Variants in ADCY8 observed in about 807,000 individuals in gnomAD.
ADCY8 encodes adenylate cyclase type 8.
In ADCY8, 51 loss-of-function variants were observed where a neutral mutation model predicts 119.7. The ratio of observed to expected loss-of-function variants is 0.43; its 90% CI spans 0.34 to 0.54. The LOEUF is 0.54. ADCY8 is among the 20% of genes least tolerant of loss of function. ADCY8 has a pLI of 0.03. For missense variants in ADCY8, 1,383 were observed against 1,598.8 expected, an observed-to-expected ratio of 0.87 and a Z score of 2.30; for synonymous variants, 665 against 651.0, an observed-to-expected ratio of 1.02 and a Z score of -0.33.
intron 1 of ADCY8, among the ~76,000 whole-genome samples, chr8:131,017,261 G>T (rs1274276718): frequency 1.3e-5 from 2 of 152,016 alleles, no homozygotes; most frequent in Non-Finnish European, 2.9e-5. Flanking sequence ...GTAGAGACGG[G>T]CTTTCGCCAT....
chr8:130,837,158 C>T (rs1045068885), intron 11 of ADCY8, among the ~76,000 whole-genome samples: 3 of 152,194 alleles, frequency 2.0e-5, no homozygotes, highest in Non-Finnish European at 4.4e-5. Context: ...CCAGTCCCCA[C>T]CCCACACCCA....
At chr8:130,948,981 G>A (rs984893057) in intron 3 of ADCY8, among the ~76,000 whole-genome samples, 12 of 152,182 alleles carry the variant, frequency 7.9e-5, no homozygotes, top group Admixed American at 7.9e-4. Flanking sequence ...GAATAGCCCG[G>A]GAGCAACAGG....
chr8:130,952,121 C>A (rs1011877014), intron 2 of ADCY8, 123 bp from the exon 3 acceptor site: 24 of 1,084,954 alleles, frequency 2.2e-5, no homozygotes, highest in Non-Finnish European at 1.7e-5. Context: ...AATTTCATAC[C>A]ATTCTATGAA....
chr8:130,942,379 C>T (rs1043690212), intron 4 of ADCY8, among the ~76,000 whole-genome samples: 1 of 152,148 alleles, frequency 6.6e-6, no homozygotes, highest in African/African-American at 2.4e-5. Context: ...TTTCCATGGC[C>T]CCCAGACTTA....
At chr8:130,896,346 C>T (rs1389427837) in intron 7 of ADCY8, among the ~76,000 whole-genome samples, 1 of 152,102 alleles carries the variant, frequency 6.6e-6, no homozygotes, top group Non-Finnish European at 1.5e-5. Context: ...AATGAATGAA[C>T]AAATAAGCAT....
chr8:130,787,097 A>T (rs1287673677), intron 15 of ADCY8, among the ~76,000 whole-genome samples: 1 of 152,184 alleles, frequency 6.6e-6, no homozygotes, highest in Non-Finnish European at 1.5e-5. Context: ...GCCAGAACAC[A>T]CAAGGCCCTG....
At chr8:130,815,517 G>A (rs1816309034) in intron 13 of ADCY8, among the ~76,000 whole-genome samples, 1 of 152,094 alleles carries the variant, frequency 6.6e-6, no homozygotes, top group Non-Finnish European at 1.5e-5. Flanking sequence ...AGGTATTATT[G>A]TCATTTCTTA....
intron 1 of ADCY8, among the ~76,000 whole-genome samples, chr8:131,000,764 G>A (rs188619972): frequency 3.4e-4 from 51 of 152,030 alleles, no homozygotes; most frequent in Middle Eastern, 3.4e-3. Flanking sequence ...ATCCAGGCTC[G>A]CCACATGCAC....
chr8:130,989,060 G>A (rs1485908941), intron 2 of ADCY8, among the ~76,000 whole-genome samples: 1 of 152,236 alleles, frequency 6.6e-6, no homozygotes, highest in Admixed American at 6.5e-5. Context: ...AGTCCTGGGA[G>A]ATACTCATGT....
At chr8:130,852,222 C>T (rs959553088) in intron 9 of ADCY8, among the ~76,000 whole-genome samples, 1 of 152,138 alleles carries the variant, frequency 6.6e-6, no homozygotes, top group Admixed American at 6.5e-5. Flanking sequence ...GAAAGTGACT[C>T]CTCCCACAGC....
intron 4 of ADCY8, among the ~76,000 whole-genome samples, chr8:130,937,558 T>A (rs1820825455): frequency 6.6e-6 from 1 of 152,122 alleles, no homozygotes; most frequent in Admixed American, 6.5e-5. Flanking sequence ...AAGCAATGTC[T>A]CTCTTCTCAA....
chr8:130,887,574 G>C, intron 7 of ADCY8, among the ~76,000 whole-genome samples: 1 of 152,098 alleles, frequency 6.6e-6, no homozygotes, highest in South Asian at 2.1e-4. Context: ...TACAAATGCT[G>C]TTTGGCCAGC....
rs1821288325 is a variant in ADCY8, at chr8:130,951,978, C to T, written c.1131G>A (p.Val377=). The T allele has an allele frequency of 6.2e-7, 1 of 1,613,730 alleles. No homozygotes were observed. The highest frequency in any genetic ancestry group is 1.7e-5 in the Admixed American group (1 of 59,992). The change falls in exon 3 of 18, where the codon GTG becomes GTA. Residue 377 remains valine (V), a synonymous_variant. Transcript: ENST00000286355. ...TTTCCAGGACAACAAACCGGGGGAG[C>T]ACAGAAAGCACGAGCCGCTCCTGGA... ...NQRQERLVLS[V]LPRFVVLEMI...
intron 14 of ADCY8, among the ~76,000 whole-genome samples, 163 bp from the exon 15 acceptor site, chr8:130,800,735 G>A (rs1473171262): frequency 6.6e-6 from 1 of 152,194 alleles, no homozygotes; most frequent in Non-Finnish European, 1.5e-5. Context: ...TTTAGTCCAT[G>A]TGGGCTGCTA....
At chr8:130,845,478 T>G (rs907625502) in intron 11 of ADCY8, among the ~76,000 whole-genome samples, 13 of 152,150 alleles carry the variant, frequency 8.5e-5, no homozygotes, top group Admixed American at 7.9e-4. Context: ...AGGTTCCACT[T>G]CTAGCAAGTG....
chr8:130,863,214 A>G lies in ADCY8; in HGVS notation c.2210+4632T>C, dbSNP rs144436213. ...TTAGAGAATTGATTTTTTAATCACT[A>G]TGTAATTTCCATTTTTATCTCTGAT... On this transcript the variant is annotated intron_variant, in intron 9 of 17. Coordinates refer to ENST00000286355, the MANE Select transcript of ADCY8 (RefSeq NM_001115.3). Among the ~76,000 whole-genome samples, 53 of 152,218 alleles carry G rather than the reference A, an allele frequency of 3.5e-4. 1 individual carries two copies. The East Asian group carries it at 9.4e-3, about 27-fold the overall frequency.
chr8:130,903,044 G>T (rs1162267813), intron 7 of ADCY8, among the ~76,000 whole-genome samples: 1 of 152,024 alleles, frequency 6.6e-6, no homozygotes, highest in African/African-American at 2.4e-5. Context: ...GTCCACCTTG[G>T]TTCTCGACCT....
chr8:130,878,736 GTT>G (rs1485567966), intron 8 of ADCY8, among the ~76,000 whole-genome samples: 1 of 152,132 alleles, frequency 6.6e-6, no homozygotes, highest in African/African-American at 2.4e-5. Flanking sequence ...GACAAAGAGA[GTT>G]TTAGTACATA....
At chr8:130,829,464 T>C (rs1240463310) in intron 12 of ADCY8, among the ~76,000 whole-genome samples, 2 of 152,158 alleles carry the variant, frequency 1.3e-5, no homozygotes, top group African/African-American at 2.4e-5. Flanking sequence ...AAGAAGTTTA[T>C]AAAGGAAAGA....
Sources: allele counts gnomAD v4.1 joint callset (sites outside exome capture counted in the v4.1 genomes callset), GRCh38; gene constraint gnomAD v4.1.1; transcripts MANE v1.5; gene names NCBI Gene and HGNC (gene_info 2026-07-23, HGNC 2026-07-21).